LDB2: variants seen among roughly 807,000 people sequenced by gnomAD.
LDB2 encodes LIM domain binding 2.
A neutral mutation model predicts 44.3 loss-of-function variants in LDB2; 12 were observed. The observed-to-expected ratio is 0.27, with a 90% CI of 0.17 to 0.44. The LOEUF (loss-of-function observed/expected upper bound fraction) is 0.44. Among genes scored for constraint, LDB2 ranks in the 20% least tolerant of loss-of-function variants. LDB2 has a pLI of 1.00. For missense variants in LDB2, 344 were observed against 473.5 expected, an observed-to-expected ratio of 0.73 and a Z score of 2.54; for synonymous variants, 164 against 174.8, an observed-to-expected ratio of 0.94 and a Z score of 0.49.
chr4:16,753,324 T>C (rs28581499), intron 2 of LDB2, among the ~76,000 whole-genome samples: 2 of 152,164 alleles, frequency 1.3e-5, no homozygotes, highest in Admixed American at 6.5e-5. Flanking sequence ...AAACCGGAGA[T>C]AGTGAACCTA....
intron 1 of LDB2, among the ~76,000 whole-genome samples, chr4:16,799,105 G>C (rs1049877862): frequency 6.6e-6 from 1 of 152,088 alleles, no homozygotes; most frequent in Non-Finnish European, 1.5e-5. Context: ...CGCCCTCCTC[G>C]GCCTCCCGAA....
chr4:16,535,374 G>C lies in LDB2; in HGVS notation c.616-23270C>G, dbSNP rs72619111. The stretch of plus-strand genomic sequence containing the variant: ...GCCTTTGGTGCCTGATTGTTTCTTG[G>C]GTTCTTCAATATGGCGAGGACCTCA... On this transcript the variant is annotated intron_variant, in intron 5 of 7. Coordinates refer to ENST00000304523, the MANE Select transcript of LDB2 (RefSeq NM_001290.5). Among the ~76,000 whole-genome samples the C allele has an allele frequency of 0.011, 1,655 of 152,162 alleles. 170 individuals are homozygous for C. The East Asian group carries it at 0.24, about 22-fold the overall frequency.
At chr4:16,509,542 A>G (rs1222495156) in intron 6 of LDB2, among the ~76,000 whole-genome samples, 1 of 152,224 alleles carries the variant, frequency 6.6e-6, no homozygotes, top group East Asian at 1.9e-4. Flanking sequence ...GTTTACTTAT[A>G]AGGTATAGAA....
intron 2 of LDB2, among the ~76,000 whole-genome samples, chr4:16,758,052 G>A (rs150764032): frequency 0.014 from 2,091 of 152,200 alleles, 49 homozygotes; most frequent in African/African-American, 0.046. Context: ...TGCTCCTCCC[G>A]TGTTTAACAC....
At chr4:16,553,265 ACTTCAGCCTC>A (rs1474683365) in intron 5 of LDB2, among the ~76,000 whole-genome samples, 1 of 151,964 alleles carries the variant, frequency 6.6e-6, no homozygotes, top group Admixed American at 6.6e-5. Flanking sequence ...TGATCTTCCC[ACTTCAGCCTC>A]CTTAGTAGCT....
At chr4:16,839,633 G>A (rs913079927) in intron 1 of LDB2, among the ~76,000 whole-genome samples, 9 of 152,260 alleles carry the variant, frequency 5.9e-5, no homozygotes, top group African/African-American at 1.9e-4. Flanking sequence ...TCTGTCAAGA[G>A]TTAAGGAATT....
At chr4:16,636,884 C>T (rs924158) in intron 2 of LDB2, among the ~76,000 whole-genome samples, 136,636 of 152,268 alleles carry the variant, frequency 0.9, 61,455 homozygotes, top group Middle Eastern at 0.91. Flanking sequence ...AAAAGCAATA[C>T]AATTGCCCAA....
chr4:16,766,209 T>A (rs760922036), intron 1 of LDB2, among the ~76,000 whole-genome samples: 5 of 152,060 alleles, frequency 3.3e-5, no homozygotes, highest in Non-Finnish European at 7.4e-5. Flanking sequence ...ACCATATGGA[T>A]CTTCCTAGCC....
chr4:16,816,407 CTTTT>C (rs1171864969), intron 1 of LDB2, among the ~76,000 whole-genome samples: 2 of 121,018 alleles, frequency 1.7e-5, no homozygotes, highest in Non-Finnish European at 3.4e-5. Flanking sequence ...CTTTTTCTTT[CTTTT>C]TTTTTTTTTT....
chr4:16,836,113 A>G (rs372113355), intron 1 of LDB2, among the ~76,000 whole-genome samples: 4 of 152,246 alleles, frequency 2.6e-5, no homozygotes, highest in African/African-American at 4.8e-5. Flanking sequence ...GATTCAATCA[A>G]TAGAAAAGAA....
At chr4:16,869,471 T>C (rs79716908) in intron 1 of LDB2, among the ~76,000 whole-genome samples, 3,920 of 152,286 alleles carry the variant, frequency 0.026, 139 homozygotes, top group African/African-American at 0.083. Context: ...AACTATGTTA[T>C]ATGAACACTA....
At chr4:16,882,266 T>A (rs1355345259) in intron 1 of LDB2, among the ~76,000 whole-genome samples, 2 of 152,216 alleles carry the variant, frequency 1.3e-5, no homozygotes, top group East Asian at 3.8e-4. Flanking sequence ...TATTAAGGAA[T>A]GAATGAGTCA....
At chr4:16,737,035 AG>A in intron 2 of LDB2, among the ~76,000 whole-genome samples, 1 of 152,186 alleles carries the variant, frequency 6.6e-6, no homozygotes, top group Admixed American at 6.5e-5. Flanking sequence ...GTAAACAGTG[AG>A]TGAGACCAGA....
chr4:16,830,457 CCTT>C (rs1783858850), intron 1 of LDB2, among the ~76,000 whole-genome samples: 1 of 152,176 alleles, frequency 6.6e-6, no homozygotes, highest in Admixed American at 6.5e-5. Context: ...AATTAAACCT[CCTT>C]TGTTTATAAA....
intron 5 of LDB2, among the ~76,000 whole-genome samples, chr4:16,575,719 G>A (rs1472512861): frequency 3.9e-5 from 6 of 152,208 alleles, no homozygotes; most frequent in Admixed American, 3.3e-4. Flanking sequence ...GGATCAATGA[G>A]GGAATTAAGA....
At position 16,610,831 on chromosome 4, in the gene LDB2, T is replaced by C. The variant is rs573752121; in HGVS notation, c.236-14956A>G. ...GGAGAATTTCCCCAACCTAGCAAGA[T>C]AGGCCAACGTGCAAATTCAGGAAAT... On this transcript the variant is annotated intron_variant, in intron 2 of 7. Coordinates refer to ENST00000304523, the MANE Select transcript of LDB2 (RefSeq NM_001290.5). Among the ~76,000 whole-genome samples the C allele has an allele frequency of 1.6e-4, 25 of 152,148 alleles. 2 individuals are homozygous for C. The South Asian group carries it at 4.8e-3, about 29-fold the overall frequency.
chr4:16,580,972 C>T (rs930795931), intron 5 of LDB2, among the ~76,000 whole-genome samples: 4 of 152,104 alleles, frequency 2.6e-5, no homozygotes, highest in Non-Finnish European at 5.9e-5. Context: ...CATTCACATG[C>T]AAGAATTTCA....
chr4:16,896,382 C>T (rs1278855962), intron 1 of LDB2, among the ~76,000 whole-genome samples: 1 of 152,028 alleles, frequency 6.6e-6, no homozygotes, highest in Non-Finnish European at 1.5e-5. Context: ...AAATGGGAAA[C>T]AAACCTGGGA....
At chr4:16,878,315 T>C (rs1295222840) in intron 1 of LDB2, among the ~76,000 whole-genome samples, 1 of 152,178 alleles carries the variant, frequency 6.6e-6, no homozygotes, top group African/African-American at 2.4e-5. Context: ...TTGACAAGAA[T>C]AGATAAAGAT....
Sources: allele counts gnomAD v4.1 joint callset (sites outside exome capture counted in the v4.1 genomes callset), GRCh38; gene constraint gnomAD v4.1.1; transcripts MANE v1.5; gene names NCBI Gene and HGNC (gene_info 2026-07-23, HGNC 2026-07-21).